Variants in BSPRY observed in about 807,000 individuals in gnomAD.
BSPRY encodes the protein B box and SPRY domain-containing protein.
BSPRY carries 33 observed loss-of-function variants against 38.0 expected under a neutral mutation model. The ratio of observed to expected loss-of-function variants is 0.87; its 90% CI spans 0.66 to 1.16. The LOEUF (loss-of-function observed/expected upper bound fraction) is 1.16, where lower values mean the gene tolerates loss of function less well. Among genes scored for constraint, BSPRY ranks in the 50% most tolerant of loss-of-function variants. The pLI is 0.00. For missense variants in BSPRY, 523 were observed against 533.2 expected (o/e 0.98, Z 0.19); for synonymous variants, 224 against 228.5 (o/e 0.98, Z 0.18).
intron 4 of BSPRY, among the ~76,000 whole-genome samples, chr9:113,367,157 A>T (rs1181157363): frequency 1.3e-5 from 2 of 152,200 alleles, no homozygotes; most frequent in Admixed American, 1.3e-4. Flanking sequence ...CATGACTTGA[A>T]TCTAGCTCCC....
rs1298016826 is a variant in BSPRY, at chr9:113,349,666, G to A, written c.87G>A (p.Leu29=). Residue 29 remains leucine, a synonymous_variant, in exon 1 of 6, where the codon CTG becomes CTA. Coordinates refer to ENST00000374183, the MANE Select transcript of BSPRY (RefSeq NM_017688.3). ...GPLCPEHGQA[L]SWFCGSERRP... ...TCTGCCCCGAACACGGCCAGGCTCT[G>A]AGCTGGTTCTGCGGCTCCGAGCGAC... 6 of 1,242,958 alleles carry A rather than the reference G, an allele frequency of 4.8e-6. No homozygotes were observed. The highest frequency in any genetic ancestry group is 3.1e-5 in the African/African-American group (2 of 63,852). 77.0% of individuals were successfully genotyped at this position (1,242,958 alleles called of 1,614,324 possible).
intron 1 of BSPRY, among the ~76,000 whole-genome samples, chr9:113,353,396 T>A (rs548975488): frequency 1.2e-4 from 18 of 151,790 alleles, no homozygotes; most frequent in Non-Finnish European, 2.4e-4. Context: ...AATAAATACA[T>A]AAATAAATTT....
At position 113,367,857 on chromosome 9, in the gene BSPRY, G is replaced by A. The variant is rs548564163; in HGVS notation, c.558-402G>A. Among the ~76,000 whole-genome samples the A allele has an allele frequency of 1.1e-3, 159 of 151,222 alleles. 1 individual carries two copies. The highest frequency in any genetic ancestry group is 3.8e-3 in the African/African-American group (156 of 41,142). ...CTCTTTTTTTTTTTTTTGAGACAGG[G>A]TCTCACTCTGTCACCCAGGCTGGAG... On this transcript the variant is annotated intron_variant, in intron 4 of 5. Transcript: ENST00000374183.
At chr9:113,369,574 C>G in intron 5 of BSPRY, 42 bp from the exon 6 acceptor site, 2 of 1,563,074 alleles carry the variant, frequency 1.3e-6, no homozygotes, top group South Asian at 2.4e-5. Flanking sequence ...CAGGTTAGGG[C>G]AGGGGTGGGC....
chr9:113,368,812 C>G (rs994847844), intron 5 of BSPRY, among the ~76,000 whole-genome samples: 2 of 152,180 alleles, frequency 1.3e-5, no homozygotes, highest in Non-Finnish European at 2.9e-5. Flanking sequence ...ACTGTGGGCC[C>G]CACCCTGTGC....
intron 1 of BSPRY, among the ~76,000 whole-genome samples, chr9:113,351,039 G>A (rs1001258147): frequency 6.6e-6 from 1 of 152,176 alleles, no homozygotes; most frequent in Non-Finnish European, 1.5e-5. Context: ...CATTGACTAG[G>A]CAAGAGGAAA....
At chr9:113,356,861 G>T (rs997221824) in intron 2 of BSPRY, among the ~76,000 whole-genome samples, 3 of 152,114 alleles carry the variant, frequency 2.0e-5, no homozygotes, top group Admixed American at 6.5e-5. Context: ...GGAGGGGAGT[G>T]GGGGAGAGCA....
chr9:113,353,283 G>A (rs1324061107), intron 1 of BSPRY, among the ~76,000 whole-genome samples: 1 of 152,190 alleles, frequency 6.6e-6, no homozygotes, highest in Non-Finnish European at 1.5e-5. Context: ...AGCTACTCAG[G>A]AAGGACATGG....
rs561340099 is a variant in BSPRY at position 113,354,485 on chromosome 9, T to G, written c.300+147T>G. 25 of 655,798 alleles carry G rather than the reference T, an allele frequency of 3.8e-5. No individual in the cohort carries two copies. In the East Asian group the frequency reaches 6.6e-4, roughly 17 times the overall value. 40.6% of individuals were successfully genotyped at this position (655,798 alleles called of 1,614,324 possible). On this transcript the variant is annotated intron_variant, in intron 2 of 5. Coordinates refer to ENST00000374183, the MANE Select transcript of BSPRY (RefSeq NM_017688.3). The stretch of plus-strand genomic sequence containing the variant: ...TTCTCATCCCTCAGAGACTCAATTT[T>G]ACCATCTGGGCAGGGTGGGCTTGTT...
intron 2 of BSPRY, among the ~76,000 whole-genome samples, chr9:113,358,759 A>G (rs1834103220): frequency 6.6e-6 from 1 of 152,230 alleles, no homozygotes; most frequent in Admixed American, 6.5e-5. Context: ...GGCAGGAATC[A>G]GAATCTGATT....
chr9:113,357,813 A>G (rs977112603), intron 2 of BSPRY, among the ~76,000 whole-genome samples: 3 of 147,476 alleles, frequency 2.0e-5, no homozygotes, highest in African/African-American at 7.5e-5. Flanking sequence ...GGCTCAAGTG[A>G]TCCTGCTGCC....
chr9:113,353,040 G>T (rs1467690633), intron 1 of BSPRY, among the ~76,000 whole-genome samples: 1 of 152,238 alleles, frequency 6.6e-6, no homozygotes, highest in Non-Finnish European at 1.5e-5. Context: ...AGAAGGTATG[G>T]ACAGTCAGGC....
At chr9:113,353,639 G>A (rs1217114471) in intron 1 of BSPRY, among the ~76,000 whole-genome samples, 1 of 152,090 alleles carries the variant, frequency 6.6e-6, no homozygotes, top group African/African-American at 2.4e-5. Flanking sequence ...GGAGGTGGAA[G>A]TTGCAGTGAG....
At chr9:113,361,064 C>G (rs929485345) in intron 3 of BSPRY, among the ~76,000 whole-genome samples, 1 of 152,162 alleles carries the variant, frequency 6.6e-6, no homozygotes, top group African/African-American at 2.4e-5. Context: ...TGTCTGATCA[C>G]TGTGTTCTGT....
chr9:113,359,411 G>A (rs183970110), intron 2 of BSPRY, among the ~76,000 whole-genome samples: 152 of 152,322 alleles, frequency 1.0e-3, no homozygotes, highest in Admixed American at 5.0e-3. Context: ...TCCCTGTAAG[G>A]CAAACTGTGG....
chr9:113,351,579 G>A (rs554376349), intron 1 of BSPRY, among the ~76,000 whole-genome samples: 1 of 152,246 alleles, frequency 6.6e-6, no homozygotes, highest in South Asian at 2.1e-4. Flanking sequence ...ATTTACAAGG[G>A]CTTCCTGGAA....
rs763014503 is a variant in BSPRY at position 113,369,883 on chromosome 9, G to T, written c.950G>T (p.Arg317Leu). The T allele has an allele frequency of 1.2e-6, 2 of 1,614,242 alleles. No individual in the cohort carries two copies. Among genetic ancestry groups the T allele is most frequent in the Non-Finnish European group, 1.7e-6 (2 of 1,180,042 alleles). The change falls in exon 6 of 6, where the codon CGT (arginine) becomes CTT (leucine). Residue 317 changes from arginine (R) to leucine (L), a missense_variant. By Grantham distance (102) the Arg-to-Leu change is moderately radical (BLOSUM62 -2). Transcript: ENST00000374183. ...CGCAAGGGTTCTGGCAGTGACTGCC[G>T]TCTGGGCCACAATGCCTTCTCCTGG... ...LPRKGSGSDC[R>L]LGHNAFSWVF...
In BSPRY at chr9:113,369,912, TTC is replaced by T. The variant is rs768751053; in HGVS notation, c.984_985del (p.Arg329LeufsTer2). The T allele has an allele frequency of 1.1e-5, 18 of 1,614,228 alleles. No homozygotes were observed. In the South Asian group the frequency reaches 1.9e-4, roughly 17 times the overall value. ...RLGHNAFSWVFSRYDQEFRFS... is the reference protein window; with the variant it reads ...RLGHNAFSWVXSRYDQEFRFS... The stretch of plus-strand genomic sequence containing the variant: ...GGGCCACAATGCCTTCTCCTGGGTC[TTC>T]TCTCGCTATGATCAGGAGTTTCGTT... On this transcript the variant is annotated frameshift_variant, in exon 6 of 6. Coordinates refer to ENST00000374183, the MANE Select transcript of BSPRY (RefSeq NM_017688.3). LOFTEE classifies it high-confidence loss of function.
intron 5 of BSPRY, among the ~76,000 whole-genome samples, chr9:113,369,024 G>A (rs931638589): frequency 2.7e-5 from 4 of 148,828 alleles, no homozygotes; most frequent in African/African-American, 1.0e-4. Flanking sequence ...CTCCCTCCTC[G>A]TATTATCCTT....
Sources: allele counts gnomAD v4.1 joint callset (sites outside exome capture counted in the v4.1 genomes callset), GRCh38; gene constraint gnomAD v4.1.1; transcripts MANE v1.5; gene names NCBI Gene and HGNC (gene_info 2026-07-23, HGNC 2026-07-21).